Variants in ARF3 observed in about 807,000 individuals in gnomAD.
ARF3 encodes ARF GTPase 3.
Under a neutral mutation model 19.3 loss-of-function variants are expected in ARF3, and 5 were observed. That is an observed-to-expected ratio of 0.26 (90% CI 0.14 to 0.54). ARF3 has a LOEUF of 0.54. Among genes scored for constraint, ARF3 ranks in the 20% least tolerant of loss-of-function variants. The pLI, the probability that ARF3 is intolerant of heterozygous loss-of-function variation, is 0.95. For missense variants in ARF3, 77 were observed against 234.2 expected, an observed-to-expected ratio of 0.33 and a Z score of 4.38; for synonymous variants, 71 against 89.2, an observed-to-expected ratio of 0.80 and a Z score of 1.15.
At chr12:48,943,094 G>A (rs1012239995) in intron 1 of ARF3, among the ~76,000 whole-genome samples, 11 of 152,132 alleles carry the variant, frequency 7.2e-5, no homozygotes, top group African/African-American at 1.9e-4. Flanking sequence ...GTGACAGGGC[G>A]AGAATCCATC....
At chr12:48,941,475 G>C in intron 1 of ARF3, 1 of 162,970 alleles carries the variant, frequency 6.1e-6, no homozygotes, top group Non-Finnish European at 1.3e-5. Flanking sequence ...TGAACTAGAT[G>C]ATTTCTGAAG....
rs1940209531 is a variant in ARF3 at position 48,939,295 on chromosome 12, G to A, written c.385-187C>T. On this transcript the variant is annotated intron_variant, in intron 4 of 4. Coordinates refer to ENST00000256682, the MANE Select transcript of ARF3 (RefSeq NM_001659.3). The surrounding 1 kb of genome is among the most constrained non-coding windows in gnomAD (Gnocchi z 4.8). ...AGAACTCAAGATCCAAAGCACTAGA[G>A]GTCACTGTACTGAAGAATTGGAAAC... Among the ~76,000 whole-genome samples the A allele has an allele frequency of 6.6e-6, 1 of 152,106 alleles. No individual in the cohort carries two copies. Among genetic ancestry groups the A allele is most frequent in the Non-Finnish European group, 1.5e-5 (1 of 68,030 alleles).
intron 1 of ARF3, among the ~76,000 whole-genome samples, chr12:48,953,623 G>C (rs1236004293): frequency 6.6e-6 from 1 of 152,108 alleles, no homozygotes; most frequent in Non-Finnish European, 1.5e-5. Context: ...CTTTCTTCAG[G>C]AATATGGTAA....
Position 48,957,445 on chromosome 12 carries a change from C to T in ARF3, c.-229G>A, listed in dbSNP as rs1294502822. The T allele has an allele frequency of 6.5e-6, 1 of 153,118 alleles. No homozygotes were observed. Among genetic ancestry groups the T allele is most frequent in the African/African-American group, 2.4e-5 (1 of 41,484 alleles). The allele number at this position is 153,118 out of a possible 1,614,324, so 9.5% of individuals were successfully genotyped here. On this transcript the variant is annotated 5_prime_UTR_variant, in exon 1 of 5. Transcript: ENST00000256682. ...ACTCCCCGGCTCCCTCCTTCCTTCC[C>T]TCCACCTAGCACCGGAAGCCGCGAC...
At chr12:48,951,863 G>T (rs1940478007) in intron 1 of ARF3, among the ~76,000 whole-genome samples, 1 of 150,828 alleles carries the variant, frequency 6.6e-6, no homozygotes, top group Non-Finnish European at 1.5e-5. Flanking sequence ...TGGGCAACAA[G>T]AGCGAAACTC....
At chr12:48,952,665 T>C (rs957735087) in intron 1 of ARF3, among the ~76,000 whole-genome samples, 3 of 152,220 alleles carry the variant, frequency 2.0e-5, no homozygotes, top group Non-Finnish European at 2.9e-5. Context: ...GTAAACTGCT[T>C]AAACAGGAAG....
intron 1 of ARF3, among the ~76,000 whole-genome samples, chr12:48,947,088 C>A (rs1940370836): frequency 6.6e-6 from 1 of 152,074 alleles, no homozygotes; most frequent in African/African-American, 2.4e-5. Context: ...CCAAACAGAC[C>A]AATACAATTT....
intron 1 of ARF3, among the ~76,000 whole-genome samples, chr12:48,949,080 A>C (rs1343334573): frequency 6.6e-6 from 1 of 152,268 alleles, no homozygotes; most frequent in Non-Finnish European, 1.5e-5. Flanking sequence ...TAGAATCCAC[A>C]GGATTTAATG....
intron 2 of ARF3, 54 bp from the exon 3 acceptor site, chr12:48,940,161 A>C: frequency 7.7e-6 from 11 of 1,428,672 alleles, no homozygotes; most frequent in South Asian, 1.1e-5. Context: ...AGCCCCGCAA[A>C]CACCACCACA....
intron 1 of ARF3, among the ~76,000 whole-genome samples, chr12:48,948,805 G>A (rs1021504686): frequency 2.6e-5 from 4 of 151,352 alleles, no homozygotes; most frequent in African/African-American, 4.9e-5. Flanking sequence ...AGTGAGACTC[G>A]GTCTCAAAAA....
At chr12:48,940,849 C>T in intron 2 of ARF3, 99 bp downstream of exon 2, 1 of 1,409,108 alleles carries the variant, frequency 7.1e-7, no homozygotes, top group Non-Finnish European at 9.4e-7. Context: ...ATTGTATGGA[C>T]TTGCCTGGGG....
At chr12:48,947,454 A>ATG in intron 1 of ARF3, among the ~76,000 whole-genome samples, 1 of 152,038 alleles carries the variant, frequency 6.6e-6, no homozygotes, top group Non-Finnish European at 1.5e-5. Flanking sequence ...CTACAGGCGC[A>ATG]TGCCACCACA....
intron 1 of ARF3, among the ~76,000 whole-genome samples, chr12:48,945,211 G>C (rs1426606499): frequency 6.6e-6 from 1 of 150,554 alleles, no homozygotes; most frequent in African/African-American, 2.5e-5. Flanking sequence ...TTGGGAGGCT[G>C]AGGTGGGTGG....
At chr12:48,941,225 C>T in intron 1 of ARF3, 37 bp from the exon 2 acceptor site, 1 of 1,060,838 alleles carries the variant, frequency 9.4e-7, no homozygotes, top group Non-Finnish European at 1.3e-6. Context: ...CCATCATTTG[C>T]TTGTCAGGAC....
At chr12:48,949,293 T>C (rs1259186494) in intron 1 of ARF3, among the ~76,000 whole-genome samples, 5 of 152,124 alleles carry the variant, frequency 3.3e-5, no homozygotes. Flanking sequence ...TGGCGCGATC[T>C]CGGCTCACTG....
intron 1 of ARF3, among the ~76,000 whole-genome samples, chr12:48,945,058 G>T (rs11168797): frequency 0.32 from 47,981 of 148,752 alleles, 8,437 homozygotes; most frequent in Admixed American, 0.47. Context: ...GAGAACCGCT[G>T]GAATCCAGGA....
At position 48,938,943 on chromosome 12, in the gene ARF3, G is replaced by A; in HGVS notation, c.*4C>T. The A allele has an allele frequency of 6.2e-7, 1 of 1,611,770 alleles. No individual in the cohort carries two copies. The highest frequency in any genetic ancestry group is 8.5e-7 in the Non-Finnish European group (1 of 1,179,684). On this transcript the variant is annotated 3_prime_UTR_variant, in exon 5 of 5. Coordinates refer to ENST00000256682, the MANE Select transcript of ARF3 (RefSeq NM_001659.3). ...TGGGGTGCTTTGTTAGGGCTGTCTG[G>A]CTTTCACTTCTTGTTTTTGAGCTGA...
intron 1 of ARF3, among the ~76,000 whole-genome samples, chr12:48,942,301 A>C (rs1055310447): frequency 8.7e-5 from 13 of 149,758 alleles, no homozygotes; most frequent in Admixed American, 7.4e-4. Flanking sequence ...GGCTGGTCCC[A>C]AACTCCTGGG....
At chr12:48,941,316 C>T in intron 1 of ARF3, 128 bp from the exon 2 acceptor site, 1 of 490,984 alleles carries the variant, frequency 2.0e-6, no homozygotes, top group Admixed American at 3.8e-5. Flanking sequence ...CTATAAATAC[C>T]AAGGCCCACT....
Sources: gnomAD v4.1 joint callset for allele counts (sites outside exome capture counted in the v4.1 genomes callset) on GRCh38, gnomAD v4.1.1 for gene constraint, Gnocchi (gnomAD v3.1) non-coding constraint, MANE v1.5 for transcripts, NCBI Gene and HGNC (gene_info 2026-07-23, HGNC 2026-07-21) for gene names.